Variants in ST18 observed in about 807,000 individuals in gnomAD.
ST18 encodes ST18 C2H2C-type zinc finger transcription factor.
ST18 carries 50 observed loss-of-function variants against 110.0 expected under a neutral mutation model. The observed-to-expected ratio is 0.45, with a 90% confidence interval of 0.36 to 0.58. ST18 has a LOEUF of 0.58. ST18 is among the 20% of genes least tolerant of loss of function. The pLI is 0.00. For synonymous variants in ST18, 461 were observed against 452.4 expected (o/e 1.02, Z -0.24); for missense variants, 1,306 against 1,280.1 (o/e 1.02, Z -0.31).
intron 8 of ST18, among the ~76,000 whole-genome samples, chr8:52,191,465 T>C (rs1430102768): frequency 6.6e-6 from 1 of 152,040 alleles, no homozygotes; most frequent in Admixed American, 6.6e-5. Context: ...ACAAGTCTAG[T>C]GGGAACAAGC....
At chr8:52,234,728 G>GGTGTGTGTGTGTGTGT (rs3054614) in intron 2 of ST18, among the ~76,000 whole-genome samples, 16 of 145,612 alleles carry the variant, frequency 1.1e-4, no homozygotes, top group African/African-American at 3.6e-4. Flanking sequence ...AAGAAACTAT[G>GGTGTGTGTGTGTGTGT]GTGTGTGTGT....
chr8:52,167,797 G>A (rs1320117682), intron 10 of ST18, among the ~76,000 whole-genome samples: 2 of 152,150 alleles, frequency 1.3e-5, no homozygotes, highest in South Asian at 2.1e-4. Flanking sequence ...TGTGGGTGGG[G>A]CCCACGGGAG....
intron 3 of ST18, among the ~76,000 whole-genome samples, chr8:52,222,991 A>G: frequency 6.6e-6 from 1 of 152,198 alleles, no homozygotes; most frequent in Non-Finnish European, 1.5e-5. Flanking sequence ...TAAAAAAAGG[A>G]AATGATGTGA....
chr8:52,288,295 A>G (rs1189633199), intron 2 of ST18, among the ~76,000 whole-genome samples: 1 of 152,200 alleles, frequency 6.6e-6, no homozygotes, highest in African/African-American at 2.4e-5. Flanking sequence ...CAGACTCAGA[A>G]GAAGGGCATG....
intron 2 of ST18, among the ~76,000 whole-genome samples, chr8:52,402,400 C>T (rs138283463): frequency 1.3e-4 from 20 of 152,238 alleles, no homozygotes; most frequent in Non-Finnish European, 2.8e-4. Flanking sequence ...GGTCTCCCAC[C>T]AAGCCAAGGA....
rs1280344409 is a variant in ST18, at chr8:52,375,541, G to A, written c.-465+33787C>T. Among the ~76,000 whole-genome samples the A allele has an allele frequency of 5.3e-5, 8 of 152,228 alleles. No homozygotes were observed. The East Asian group carries it at 1.5e-3, about 29-fold the overall frequency. ...TCTGTTGTTTTTCTTCTTGGTCACT[G>A]ATGGTTTCTTCTCAATTCCCTTCAC... On this transcript the variant is annotated intron_variant, in intron 2 of 25. Coordinates refer to ENST00000689386, the MANE Select transcript of ST18 (RefSeq NM_001352837.2).
At chr8:52,214,077 G>T in intron 7 of ST18, 126 bp downstream of exon 7, 1 of 1,026,216 alleles carries the variant, frequency 9.7e-7, no homozygotes, top group Non-Finnish European at 1.5e-6. Context: ...GTCCTGGCTT[G>T]ATTTGAAAAA....
At chr8:52,311,895 A>G (rs1209062808) in intron 2 of ST18, among the ~76,000 whole-genome samples, 37 of 152,184 alleles carry the variant, frequency 2.4e-4, no homozygotes, top group Admixed American at 2.4e-3. Flanking sequence ...CATATCAAGG[A>G]CTTAGCACAA....
At chr8:52,381,594 C>T (rs1194724510) in intron 2 of ST18, among the ~76,000 whole-genome samples, 2 of 152,164 alleles carry the variant, frequency 1.3e-5, no homozygotes, top group Non-Finnish European at 2.9e-5. Context: ...TATATTTTGC[C>T]ATCCCCCAAA....
chr8:52,363,372 A>G (rs1434017090), intron 2 of ST18, among the ~76,000 whole-genome samples: 1 of 152,212 alleles, frequency 6.6e-6, no homozygotes, highest in African/African-American at 2.4e-5. Flanking sequence ...GGGGTTATTT[A>G]GGAATATCTT....
chr8:52,245,981 A>G (rs1457932291), intron 2 of ST18, among the ~76,000 whole-genome samples: 1 of 152,154 alleles, frequency 6.6e-6, no homozygotes, highest in African/African-American at 2.4e-5. Flanking sequence ...ACTTAAATGT[A>G]TAGATCAAAC....
chr8:52,317,485 A>C (rs2096053073), intron 2 of ST18, among the ~76,000 whole-genome samples: 1 of 152,244 alleles, frequency 6.6e-6, no homozygotes, highest in African/African-American at 2.4e-5. Flanking sequence ...TCTAGTCTCC[A>C]GAACTGTAAG....
At chr8:52,135,561 T>C (rs1344137889) in intron 19 of ST18, among the ~76,000 whole-genome samples, 5 of 64,014 alleles carry the variant, frequency 7.8e-5, no homozygotes, top group Non-Finnish European at 1.1e-4. Context: ...AGACCGAAAC[T>C]CCATCTCAAA....
At position 52,149,931 on chromosome 8, in the gene ST18, A is replaced by G. The variant is rs1586991125; in HGVS notation, c.1853T>C (p.Met618Thr). The change falls in exon 16 of 26, where the codon ATG (methionine) becomes ACG (threonine). Residue 618 changes from methionine to threonine, a missense_variant. Met to Thr is a moderately conservative substitution (Grantham distance 81). Transcript: ENST00000689386. Reference sequence around the variant, plus strand: ...CTTGTCCAGGATTCGATTTTTTTTCATGCTTAAGTCCAATGTGCCATTTTC... The same window carrying G: ...CTTGTCCAGGATTCGATTTTTTTTCGTGCTTAAGTCCAATGTGCCATTTTC... Reference protein sequence around the residue: ...VDENGTLDLSMKKNRILDKSA... With the variant: ...VDENGTLDLSTKKNRILDKSA... 1 of 1,614,110 alleles carries G rather than the reference A, an allele frequency of 6.2e-7. No individual in the cohort carries two copies. The highest frequency in any genetic ancestry group is 2.2e-5 in the East Asian group (1 of 44,878).
intron 2 of ST18, among the ~76,000 whole-genome samples, chr8:52,308,417 T>G (rs528030471): frequency 6.6e-6 from 1 of 152,358 alleles, no homozygotes; most frequent in East Asian, 1.9e-4. Context: ...TCACATTTAA[T>G]AGATATGGGC....
intron 2 of ST18, among the ~76,000 whole-genome samples, chr8:52,357,676 AATATAT>A (rs71252934): frequency 0.041 from 1,567 of 37,978 alleles, 32 homozygotes; most frequent in Non-Finnish European, 0.056. Flanking sequence ...AAAATCTATA[AATATAT>A]ATATATATAT....
chr8:52,372,148 T>A (rs1830486602), intron 2 of ST18, among the ~76,000 whole-genome samples: 1 of 152,196 alleles, frequency 6.6e-6, no homozygotes, highest in African/African-American at 2.4e-5. Context: ...ATATTGATGA[T>A]CCTGACCCTT....
At chr8:52,364,598 C>T (rs1590275150) in intron 2 of ST18, among the ~76,000 whole-genome samples, 1 of 152,154 alleles carries the variant, frequency 6.6e-6, no homozygotes, top group East Asian at 1.9e-4. Context: ...TCATTATGAC[C>T]AAATCTACTG....
rs947871083 is a variant in ST18 at position 52,137,745 on chromosome 8, G to A, written c.2169-262C>T. The A allele has an allele frequency of 5.2e-5, 21 of 402,626 alleles. No homozygotes were observed. In the South Asian group the frequency reaches 5.2e-4, roughly 10 times the overall value. The allele number at this position is 402,626 out of a possible 1,614,324, so 24.9% of individuals were successfully genotyped here. ...CATTCGATTATTTGATTCCATTGAT[G>A]TGGGAAAGTGATGTCCTTGTGATGT... is the stretch of plus-strand genomic sequence containing the variant. On this transcript the variant is annotated intron_variant, in intron 17 of 25. Coordinates refer to ENST00000689386, the MANE Select transcript of ST18 (RefSeq NM_001352837.2).
Sources: allele counts gnomAD v4.1 joint callset (sites outside exome capture counted in the v4.1 genomes callset), GRCh38; gene constraint gnomAD v4.1.1; transcripts MANE v1.5; gene names NCBI Gene and HGNC (gene_info 2026-07-23, HGNC 2026-07-21).